Variants in PCBD2 observed in about 807,000 individuals in gnomAD.
PCBD2 encodes the protein pterin-4-alpha-carbinolamine dehydratase 2.
PCBD2 carries 12 observed loss-of-function variants against 16.4 expected under a neutral mutation model. The ratio of observed to expected loss-of-function variants is 0.73; its 90% confidence interval spans 0.47 to 1.19. PCBD2 has a LOEUF of 1.19. PCBD2 is among the 50% of genes most tolerant of loss of function. The probability of loss-of-function intolerance (pLI) is 0.00; values close to 1 mark genes in which losing one functional copy is unlikely to be tolerated. For synonymous variants in PCBD2, 58 were observed against 61.8 expected, an observed-to-expected ratio of 0.94 and a Z score of 0.29; for missense variants, 138 against 156.8, an observed-to-expected ratio of 0.88 and a Z score of 0.64.
chr5:134,935,128 A>G (rs943699761), intron 2 of PCBD2, among the ~76,000 whole-genome samples: 3 of 152,202 alleles, frequency 2.0e-5, no homozygotes, highest in Non-Finnish European at 2.9e-5. Context: ...AATCTTCTCA[A>G]TGTTTCTGCA....
intron 2 of PCBD2, among the ~76,000 whole-genome samples, chr5:134,950,226 G>T (rs922286200): frequency 3.9e-5 from 6 of 152,224 alleles, no homozygotes; most frequent in Non-Finnish European, 7.3e-5. Flanking sequence ...AATGGAGATT[G>T]TACTGGGGAA....
intron 2 of PCBD2, among the ~76,000 whole-genome samples, chr5:134,951,045 T>C (rs1014195366): frequency 1.3e-5 from 2 of 152,194 alleles, no homozygotes; most frequent in Non-Finnish European, 2.9e-5. Context: ...TGTTCATTTT[T>C]TTCCCAAACT....
intron 2 of PCBD2, among the ~76,000 whole-genome samples, chr5:134,950,196 A>G (rs1751342738): frequency 6.6e-6 from 1 of 152,242 alleles, no homozygotes; most frequent in Non-Finnish European, 1.5e-5. Flanking sequence ...TGAATTAGTA[A>G]AGGAAGTATT....
At chr5:134,947,483 G>T (rs1751309557) in intron 2 of PCBD2, among the ~76,000 whole-genome samples, 1 of 150,808 alleles carries the variant, frequency 6.6e-6, no homozygotes, top group East Asian at 1.9e-4. Context: ...AAGCTCCTGG[G>T]TTCATGCCAT....
intron 2 of PCBD2, among the ~76,000 whole-genome samples, chr5:134,917,718 G>A (rs145491979): frequency 6.6e-6 from 1 of 152,216 alleles, no homozygotes. Context: ...GAGCTGCAGC[G>A]GGAGGGAGGA....
chr5:134,923,902 A>G (rs1750943789), intron 2 of PCBD2: 1 of 394,396 alleles, frequency 2.5e-6, no homozygotes, highest in African/African-American at 2.1e-5. Context: ...ATGGCTAGGA[A>G]TAGTCCTGTG....
intron 2 of PCBD2, among the ~76,000 whole-genome samples, chr5:134,955,314 T>G (rs1751402522): frequency 6.7e-6 from 1 of 150,106 alleles, no homozygotes; most frequent in African/African-American, 2.4e-5. Context: ...CAATGGTTTT[T>G]TTTTTTTTTT....
chr5:134,905,992 C>A (rs569137638), intron 1 of PCBD2, among the ~76,000 whole-genome samples: 2 of 151,924 alleles, frequency 1.3e-5, no homozygotes, highest in East Asian at 3.9e-4. Flanking sequence ...CCTGCCTCAC[C>A]CTCCCGAGTA....
intron 2 of PCBD2, among the ~76,000 whole-genome samples, chr5:134,919,262 G>C (rs141997901): frequency 9.9e-5 from 15 of 152,142 alleles, no homozygotes; most frequent in African/African-American, 2.9e-4. Context: ...TTGAGCTGAC[G>C]TGAAAGGTAT....
chr5:134,934,130 A>G (rs1377863252), intron 2 of PCBD2, among the ~76,000 whole-genome samples: 5 of 152,154 alleles, frequency 3.3e-5, no homozygotes, highest in Admixed American at 3.3e-4. Context: ...CTGAAAGCAA[A>G]CAATTCCATG....
At chr5:134,908,346 G>A (rs1215459657) in intron 1 of PCBD2, among the ~76,000 whole-genome samples, 1 of 149,000 alleles carries the variant, frequency 6.7e-6, no homozygotes, top group African/African-American at 2.5e-5. Context: ...TTAACAACAA[G>A]CTTTTGCATA....
At chr5:134,952,881 G>T (rs537311037) in intron 2 of PCBD2, among the ~76,000 whole-genome samples, 2 of 151,688 alleles carry the variant, frequency 1.3e-5, no homozygotes, top group African/African-American at 4.8e-5. Context: ...TCCTACATGG[G>T]CTTATTCAAT....
At chr5:134,905,603 C>G (rs2150194176) in intron 1 of PCBD2, 1 of 187,120 alleles carries the variant, frequency 5.3e-6, no homozygotes, top group South Asian at 1.9e-4. Flanking sequence ...GCCTGGCTCC[C>G]TATGGCGGCT....
At position 134,962,144 on chromosome 5, in the gene PCBD2, T is replaced by C. The variant is rs1751486009; in HGVS notation, c.*1463T>C. Among the ~76,000 whole-genome samples, 1 of 151,620 alleles carries C rather than the reference T, an allele frequency of 6.6e-6. No homozygotes were observed. Among genetic ancestry groups the C allele is most frequent in the African/African-American group, 2.4e-5 (1 of 41,142 alleles). On this transcript the variant is annotated 3_prime_UTR_variant, in exon 4 of 4. Transcript: ENST00000254908. Reference sequence around the variant, plus strand: ...TCTCATTCTGTTGCCCAGGCAGTAGTGTAGTGGTGCGACCATGGCTCACTG... The same window carrying C: ...TCTCATTCTGTTGCCCAGGCAGTAGCGTAGTGGTGCGACCATGGCTCACTG...
At chr5:134,925,890 G>A in intron 2 of PCBD2, 1 of 393,188 alleles carries the variant, frequency 2.5e-6, no homozygotes, top group Admixed American at 4.4e-5. Flanking sequence ...TGGAGTGTAG[G>A]AGAAATCATG....
chr5:134,960,608 A>C lies in PCBD2; in HGVS notation c.320A>C (p.His107Pro), dbSNP rs764782794. ...TAGGTCCAGATAACTCTCACCTCAC[A>C]TGACTGTGGTGAACTGACCAAAAAA... Reference protein sequence around the residue: ...YNKVQITLTSHDCGELTKKDV... With the variant: ...YNKVQITLTSPDCGELTKKDV... The change falls in exon 4 of 4, where the codon CAT becomes CCT. Residue 107 changes from histidine to proline, a missense_variant. By Grantham distance (77) the His-to-Pro change is moderately conservative. Transcript: ENST00000254908. The C allele has an allele frequency of 9.9e-6, 16 of 1,612,192 alleles. No homozygotes were observed. Among genetic ancestry groups the C allele is most frequent in the Non-Finnish European group, 1.4e-5 (16 of 1,178,464 alleles).
In PCBD2 at chr5:134,915,042, C is replaced by T. The variant is rs972597317; in HGVS notation, c.216+4576C>T. ...TTAAAACTCACATACCAGAGCCGGG[C>T]GCGGTGGCTCACATCTGTAATCCCA... On this transcript the variant is annotated intron_variant, in intron 2 of 3. Coordinates refer to ENST00000254908, the MANE Select transcript of PCBD2 (RefSeq NM_032151.5). 5.9e-5 allele frequency among the ~76,000 whole-genome samples: 9 copies of T among 152,204 alleles called. No individual in the cohort carries two copies. In the East Asian group the frequency reaches 1.2e-3, roughly 20 times the overall value.
At chr5:134,935,844 C>T (rs1021466075) in intron 2 of PCBD2, among the ~76,000 whole-genome samples, 8 of 152,160 alleles carry the variant, frequency 5.3e-5, no homozygotes, top group African/African-American at 7.2e-5. Context: ...GTGTTGGCGC[C>T]GAGGCTAGGG....
At chr5:134,915,150 A>C (rs892069721) in intron 2 of PCBD2, among the ~76,000 whole-genome samples, 15 of 151,960 alleles carry the variant, frequency 9.9e-5, no homozygotes, top group Non-Finnish European at 2.2e-4. Flanking sequence ...CCCTGTCTCT[A>C]CCAAAAATAC....
Sources: allele counts gnomAD v4.1 joint callset (sites outside exome capture counted in the v4.1 genomes callset), GRCh38; gene constraint gnomAD v4.1.1; transcripts MANE v1.5; gene names NCBI Gene and HGNC (gene_info 2026-07-23, HGNC 2026-07-21).